SLC10A6: variants seen among roughly 807,000 people sequenced by gnomAD.
SLC10A6 encodes the protein solute carrier family 10 member 6.
In SLC10A6, 27 loss-of-function variants were observed where a neutral mutation model predicts 30.0. That is an observed-to-expected ratio of 0.90 (90% confidence interval 0.66 to 1.24). The LOEUF is 1.24. Among genes scored for constraint, SLC10A6 ranks in the 50% most tolerant of loss-of-function variants. SLC10A6 has a pLI of 0.00. For synonymous variants in SLC10A6, 166 were observed against 173.8 expected, an observed-to-expected ratio of 0.95 and a Z score of 0.36; for missense variants, 439 against 457.0, an observed-to-expected ratio of 0.96 and a Z score of 0.36.
Position 86,837,285 on chromosome 4 carries a change from A to AAGAAAGAG in SLC10A6, c.378-3862_378-3861insCTCTTTCT, listed in dbSNP as rs1173471408. On this transcript the variant is annotated intron_variant, in intron 1 of 5. Transcript: ENST00000273905. ...AAAGAAAGAAAGAAAGAAAGAAAGA[A>AAGAAAGAG]AAAGAAAGGAAGGAAGGAAGGAAGG... 2.7e-4 allele frequency among the ~76,000 whole-genome samples: 20 copies of AAGAAAGAG among 74,276 alleles called. 2 individuals carry two copies. In the South Asian group the frequency reaches 7.6e-3, roughly 28 times the overall value. 48.7% of individuals were successfully genotyped at this position (74,276 alleles called of 152,430 possible).
chr4:86,842,872 TTC>T (rs1366633635), intron 1 of SLC10A6, among the ~76,000 whole-genome samples: 1 of 62,924 alleles, frequency 1.6e-5, no homozygotes, highest in Non-Finnish European at 2.8e-5. Context: ...CTTTCTTTCT[TTC>T]TTTTTTTTTT....
intron 1 of SLC10A6, among the ~76,000 whole-genome samples, chr4:86,845,391 C>A (rs754242473): frequency 2.6e-5 from 4 of 152,166 alleles, no homozygotes; most frequent in Admixed American, 6.5e-5. Flanking sequence ...AATAAAAGAA[C>A]CTGGAGAAGT....
chr4:86,836,325 C>T (rs748835395), intron 1 of SLC10A6, among the ~76,000 whole-genome samples: 3 of 152,146 alleles, frequency 2.0e-5, no homozygotes, highest in Non-Finnish European at 4.4e-5. Context: ...AACTGTGTAT[C>T]GTGATTACTG....
intron 1 of SLC10A6, among the ~76,000 whole-genome samples, chr4:86,837,219 GAGAGAGAGAAAGAA>G (rs1277253618): frequency 1.7e-5 from 2 of 117,740 alleles, no homozygotes; most frequent in African/African-American, 4.3e-5. Context: ...GAGAGAGAGA[GAGAGAGAGAAAGAA>G]AGAAAGAAAG....
chr4:86,837,286 A>AG lies in SLC10A6; in HGVS notation c.378-3863_378-3862insC, dbSNP rs1560460365. Among the ~76,000 whole-genome samples, 74 of 78,468 alleles carry AG rather than the reference A, an allele frequency of 9.4e-4. No individual in the cohort carries two copies. The South Asian group carries it at 0.012, about 13-fold the overall frequency. The allele number at this position is 78,468 out of a possible 152,430, so 51.5% of individuals were successfully genotyped here. A position where few individuals can be genotyped will look rare whatever the true frequency, so the allele number is the denominator to read the frequency against. On this transcript the variant is annotated intron_variant, in intron 1 of 5. Coordinates refer to ENST00000273905, the MANE Select transcript of SLC10A6 (RefSeq NM_197965.3). ...AAGAAAGAAAGAAAGAAAGAAAGAA[A>AG]AAGAAAGGAAGGAAGGAAGGAAGGA...
At chr4:86,836,221 G>C (rs1388798372) in intron 1 of SLC10A6, among the ~76,000 whole-genome samples, 1 of 152,170 alleles carries the variant, frequency 6.6e-6, no homozygotes, top group Non-Finnish European at 1.5e-5. Context: ...AAGTCAAAAG[G>C]CTAACACATT....
chr4:86,844,484 C>A (rs979489569), intron 1 of SLC10A6, among the ~76,000 whole-genome samples: 4 of 152,176 alleles, frequency 2.6e-5, no homozygotes, highest in Admixed American at 2.0e-4. Flanking sequence ...AATCGACTTT[C>A]CTAATCCATG....
chr4:86,842,874 C>CTTTCTTTCTTT (rs1560461934), intron 1 of SLC10A6, among the ~76,000 whole-genome samples: 3 of 42,784 alleles, frequency 7.0e-5, no homozygotes, highest in Non-Finnish European at 8.1e-5. Flanking sequence ...TTCTTTCTTT[C>CTTTCTTTCTTT]TTTTTTTTTT....
At chr4:86,828,889 G>A (rs1746038449) in intron 3 of SLC10A6, among the ~76,000 whole-genome samples, 1 of 152,152 alleles carries the variant, frequency 6.6e-6, no homozygotes, top group Non-Finnish European at 1.5e-5. Flanking sequence ...TCAGGATCTT[G>A]GCAAGCTCCT....
At chr4:86,843,274 T>C (rs1746337251) in intron 1 of SLC10A6, among the ~76,000 whole-genome samples, 1 of 152,082 alleles carries the variant, frequency 6.6e-6, no homozygotes. Context: ...ACCTGGCTGG[T>C]ACTGTGCAAG....
intron 3 of SLC10A6, among the ~76,000 whole-genome samples, chr4:86,828,534 C>T (rs998644845): frequency 2.6e-5 from 4 of 151,906 alleles, no homozygotes; most frequent in Non-Finnish European, 5.9e-5. Flanking sequence ...CTGCACACAC[C>T]TCTATGACCC....
chr4:86,837,293 G>T (rs1746212073), intron 1 of SLC10A6, among the ~76,000 whole-genome samples: 2 of 75,006 alleles, frequency 2.7e-5, no homozygotes, highest in Non-Finnish European at 5.3e-5. Flanking sequence ...GAAAAAGAAA[G>T]GAAGGAAGGA....
intron 1 of SLC10A6, chr4:86,837,591 C>G (rs1016512606): frequency 1.0e-6 from 1 of 985,208 alleles, no homozygotes; most frequent in Non-Finnish European, 1.2e-6. Context: ...TTGGTGCCTT[C>G]CATCCCAAAT....
At chr4:86,824,276 C>A (rs185268641) in intron 5 of SLC10A6, among the ~76,000 whole-genome samples, 1 of 152,226 alleles carries the variant, frequency 6.6e-6, no homozygotes, top group African/African-American at 2.4e-5. Flanking sequence ...TGGGAATGAG[C>A]CAGAAATGAT....
chr4:86,837,290 AAAGGAAGGAAGGAAGGAAGGAAGGAAGG>A (rs70953609), intron 1 of SLC10A6, among the ~76,000 whole-genome samples: 1 of 62,736 alleles, frequency 1.6e-5, no homozygotes, highest in African/African-American at 5.5e-5. Context: ...AAAGAAAAAG[AAAGGAAGGAAGGAAGGAAGGAAGGAAGG>A]AAGGAAGGAA....
intron 1 of SLC10A6, among the ~76,000 whole-genome samples, chr4:86,843,838 T>A (rs1746347958): frequency 6.6e-6 from 1 of 152,134 alleles, no homozygotes; most frequent in African/African-American, 2.4e-5. Flanking sequence ...ATTAACTCAT[T>A]CAATCCTCTC....
chr4:86,836,237 C>T (rs530613099), intron 1 of SLC10A6, among the ~76,000 whole-genome samples: 13 of 152,288 alleles, frequency 8.5e-5, no homozygotes, highest in African/African-American at 1.9e-4. Flanking sequence ...ACATTTTAAG[C>T]GCAATGGTTC....
intron 1 of SLC10A6, among the ~76,000 whole-genome samples, chr4:86,839,501 G>A (rs924385598): frequency 1.3e-5 from 2 of 152,032 alleles, no homozygotes; most frequent in African/African-American, 4.8e-5. Context: ...CAACTTGTTT[G>A]CTTTTTTTCC....
intron 1 of SLC10A6, among the ~76,000 whole-genome samples, chr4:86,837,094 A>C (rs1746198289): frequency 6.6e-6 from 1 of 151,502 alleles, no homozygotes; most frequent in African/African-American, 2.4e-5. Context: ...GTCTAAATTT[A>C]TTTAGGGAAA....
Sources: allele counts gnomAD v4.1 joint callset (sites outside exome capture counted in the v4.1 genomes callset), GRCh38; gene constraint gnomAD v4.1.1; transcripts MANE v1.5; gene names NCBI Gene and HGNC (gene_info 2026-07-23, HGNC 2026-07-21).